PCDHGB5: variants seen among roughly 807,000 people sequenced by gnomAD.
The protein encoded by PCDHGB5 is protocadherin gamma-B5.
Under a neutral mutation model 62.9 loss-of-function variants are expected in PCDHGB5, and 48 were observed. The ratio of observed to expected loss-of-function variants is 0.76; its 90% CI spans 0.61 to 0.97. The LOEUF (loss-of-function observed/expected upper bound fraction) is 0.97, where lower values mean the gene tolerates loss of function less well. Among genes scored for constraint, PCDHGB5 ranks in the 50% least tolerant of loss-of-function variants. The pLI is 0.00. For synonymous variants in PCDHGB5, 474 were observed against 511.2 expected, an observed-to-expected ratio of 0.93 and a Z score of 0.98; for missense variants, 1,118 against 1,198.6, an observed-to-expected ratio of 0.93 and a Z score of 0.99.
intron 1 of PCDHGB5, chr5:141,433,110 G>T (rs1031253372): frequency 1.2e-6 from 2 of 1,614,098 alleles, no homozygotes; most frequent in East Asian, 4.5e-5. Context: ...AGCCAGGAGA[G>T]CTTTGAAAAA....
At chr5:141,497,878 C>T (rs553853040) in intron 2 of PCDHGB5, among the ~76,000 whole-genome samples, 32 of 152,256 alleles carry the variant, frequency 2.1e-4, no homozygotes, top group Non-Finnish European at 3.5e-4. Flanking sequence ...GTGAAATAAG[C>T]GTTAGGATCT....
At chr5:141,410,189 G>A in intron 1 of PCDHGB5, 1 of 1,613,992 alleles carries the variant, frequency 6.2e-7, no homozygotes, top group Non-Finnish European at 8.5e-7. Context: ...GCTTCATCTG[G>A]TCTTCGCAGA....
intron 3 of PCDHGB5, among the ~76,000 whole-genome samples, chr5:141,509,440 C>T (rs1036780108): frequency 2.0e-5 from 3 of 152,158 alleles, no homozygotes; most frequent in Non-Finnish European, 4.4e-5. Flanking sequence ...CTTGTTTCCT[C>T]CTCTCCCACC....
At chr5:141,499,115 C>T (rs940275925) in intron 2 of PCDHGB5, among the ~76,000 whole-genome samples, 16 of 152,124 alleles carry the variant, frequency 1.1e-4, no homozygotes, top group African/African-American at 3.9e-4. Context: ...CACCACTATC[C>T]CTTCTCAGGT....
At chr5:141,416,132 A>G (rs939839074) in intron 1 of PCDHGB5, 1 of 153,964 alleles carries the variant, frequency 6.5e-6, no homozygotes, top group Non-Finnish European at 1.4e-5. Flanking sequence ...ATATTTTTCA[A>G]TCTATACTTT....
At chr5:141,412,139 T>C (rs1380576842) in intron 1 of PCDHGB5, 1 of 152,250 alleles carries the variant, frequency 6.6e-6, no homozygotes, top group Non-Finnish European at 1.5e-5. Flanking sequence ...TGGCCTCTGA[T>C]ACAAACTGCC....
chr5:141,435,737 T>C (rs944951200), intron 1 of PCDHGB5, among the ~76,000 whole-genome samples: 1 of 152,202 alleles, frequency 6.6e-6, no homozygotes, highest in Non-Finnish European at 1.5e-5. Context: ...TATTACTCTT[T>C]GAAAAGCATT....
chr5:141,403,163 A>C, intron 1 of PCDHGB5: 1 of 1,614,052 alleles, frequency 6.2e-7, no homozygotes, highest in South Asian at 1.1e-5. Flanking sequence ...CTCTAGAGGT[A>C]GGACGCAGCT....
In PCDHGB5 at chr5:141,506,418, G is replaced by A. The variant is rs2099853241; in HGVS notation, c.2545+937G>A. Among the ~76,000 whole-genome samples, 3 of 141,160 alleles carry A rather than the reference G, an allele frequency of 2.1e-5. No homozygotes were observed. The South Asian group carries it at 6.6e-4, about 31-fold the overall frequency. 92.6% of individuals were successfully genotyped at this position (141,160 alleles called of 152,430 possible). The stretch of plus-strand genomic sequence containing the variant: ...CAGAAAATCGCACCACTGCACTCCA[G>A]CCTGGGCAACAGTCTCGCTCTGTCT... On this transcript the variant is annotated intron_variant, in intron 3 of 3. Coordinates refer to ENST00000617380, the MANE Select transcript of PCDHGB5 (RefSeq NM_018925.3).
intron 3 of PCDHGB5, among the ~76,000 whole-genome samples, chr5:141,510,415 C>G (rs2099881071): frequency 6.6e-6 from 1 of 152,082 alleles, no homozygotes; most frequent in Admixed American, 6.5e-5. Flanking sequence ...GCATGTAAAG[C>G]CATGGTTTCA....
Position 141,432,326 on chromosome 5 carries a change from G to C in PCDHGB5, c.2397+31802G>C. The C allele has an allele frequency of 1.2e-6, 2 of 1,614,228 alleles. No individual in the cohort carries two copies. The highest frequency in any genetic ancestry group is 2.2e-5 in the East Asian group (1 of 44,890). On this transcript the variant is annotated intron_variant, in intron 1 of 3. Transcript: ENST00000617380. This position sits in a 1 kb window ranked among gnomAD's most constrained non-coding sequence, Gnocchi z 6.0. ...GTATGCGCTGAGCTCCTTCGACTAC[G>C]AGCAGTTCCGAGACTTGCAAGTGAA...
At chr5:141,430,261 A>T (rs1236197353) in intron 1 of PCDHGB5, among the ~76,000 whole-genome samples, 1 of 152,104 alleles carries the variant, frequency 6.6e-6, no homozygotes, top group African/African-American at 2.4e-5. Context: ...CATCTCCATA[A>T]TAGGTGTGTT....
chr5:141,408,488 T>C lies in PCDHGB5; in HGVS notation c.2397+7964T>C, dbSNP rs199936765. ...GAACCGAATAGACCGTGAGCAAATA[T>C]GCAAAGAGAGAAGAAGATGTGAGTT... On this transcript the variant is annotated intron_variant, in intron 1 of 3. Transcript: ENST00000617380. The C allele has an allele frequency of 8.1e-6, 13 of 1,613,894 alleles. No individual in the cohort carries two copies. The highest frequency in any genetic ancestry group is 4.0e-5 in the African/African-American group (3 of 74,922).
chr5:141,491,080 A>T lies in PCDHGB5; in HGVS notation c.2398-3727A>T. On this transcript the variant is annotated intron_variant, in intron 1 of 3. Transcript: ENST00000617380. This position sits in a 1 kb window ranked among gnomAD's most constrained non-coding sequence, Gnocchi z 6.9. ...CTCCTACTCACTGTTGCCACAGTCC[A>T]CAGCCCCAGGACTGTTCCTCGTGTC... The T allele has an allele frequency of 6.2e-7, 1 of 1,614,116 alleles. No individual in the cohort carries two copies. Among genetic ancestry groups the T allele is most frequent in the Non-Finnish European group, 8.5e-7 (1 of 1,179,994 alleles).
chr5:141,505,343 G>C (rs2099845454), intron 2 of PCDHGB5, 50 bp from the exon 3 acceptor site: 1 of 1,612,934 alleles, frequency 6.2e-7, no homozygotes, highest in Non-Finnish European at 8.5e-7. Context: ...GGAGGGGCAT[G>C]AGCTGTGCCG....
chr5:141,495,644 A>C (rs767670166), intron 2 of PCDHGB5, among the ~76,000 whole-genome samples: 1 of 151,770 alleles, frequency 6.6e-6, no homozygotes, highest in African/African-American at 2.4e-5. Flanking sequence ...TCATTTGTCT[A>C]CTTGCATTGA....
Position 141,399,300 on chromosome 5 carries a change from C to T in PCDHGB5, c.1173C>T (p.Ile391=), listed in dbSNP as rs985419238. 3 of 1,613,792 alleles carry T rather than the reference C, an allele frequency of 1.9e-6. No homozygotes were observed. The highest frequency in any genetic ancestry group is 2.5e-6 in the Non-Finnish European group (3 of 1,179,860). Residue 391 remains isoleucine, a synonymous_variant, in exon 1 of 4, where the codon ATC becomes ATT. Coordinates refer to ENST00000617380, the MANE Select transcript of PCDHGB5 (RefSeq NM_018925.3). ...QLQGEVPFKI[I]SSSKNSYKLV... is the part of the protein sequence containing the mutation. ...AAGGCGAAGTCCCTTTTAAGATTAT[C>T]TCTTCATCCAAAAATTCGTATAAGT...
chr5:141,423,551 A>T, intron 1 of PCDHGB5: 2 of 1,613,616 alleles, frequency 1.2e-6, no homozygotes, highest in Non-Finnish European at 1.7e-6. Context: ...CCCCAGCCCA[A>T]CTATGGGGAC....
chr5:141,460,822 C>A (rs2098998601), intron 1 of PCDHGB5, among the ~76,000 whole-genome samples: 2 of 151,502 alleles, frequency 1.3e-5, no homozygotes, highest in South Asian at 4.1e-4. Context: ...TACATATATA[C>A]ACACTTAAAG....
Sources: gnomAD v4.1 joint callset for allele counts (sites outside exome capture counted in the v4.1 genomes callset) on GRCh38, gnomAD v4.1.1 for gene constraint, Gnocchi (gnomAD v3.1) non-coding constraint, MANE v1.5 for transcripts, NCBI Gene and HGNC (gene_info 2026-07-23, HGNC 2026-07-21) for gene names.